Variants in TBC1D22A observed in about 807,000 individuals in gnomAD.
The protein encoded by TBC1D22A is TBC1 domain family member 22A, also known as putative GTPase activator.
In TBC1D22A, 38 loss-of-function variants were observed where a neutral mutation model predicts 60.2. The ratio of observed to expected loss-of-function variants is 0.63; its 90% CI spans 0.49 to 0.83. The LOEUF (loss-of-function observed/expected upper bound fraction) is 0.83, where lower values mean the gene tolerates loss of function less well. Among genes scored for constraint, TBC1D22A ranks in the 40% least tolerant of loss-of-function variants. The probability of loss-of-function intolerance (pLI) is 0.00; values close to 1 mark genes in which losing one functional copy is unlikely to be tolerated. For missense variants in TBC1D22A, 628 were observed against 701.0 expected (o/e 0.90, Z 1.18); for synonymous variants, 302 against 281.7 (o/e 1.07, Z -0.72).
At chr22:46,885,452 C>T (rs1022416106) in intron 5 of TBC1D22A, among the ~76,000 whole-genome samples, 5 of 152,152 alleles carry the variant, frequency 3.3e-5, no homozygotes, top group Non-Finnish European at 2.9e-5. Context: ...GTGTGAAGCA[C>T]GGAGCGTGGT....
At chr22:47,153,429 T>C (rs1037345440) in intron 12 of TBC1D22A, among the ~76,000 whole-genome samples, 15 of 151,782 alleles carry the variant, frequency 9.9e-5, no homozygotes, top group African/African-American at 3.6e-4. Flanking sequence ...CCTGCCATGG[T>C]GCTCCAAGCA....
chr22:47,164,105 G>A (rs1163669432), intron 12 of TBC1D22A, among the ~76,000 whole-genome samples: 1 of 152,234 alleles, frequency 6.6e-6, no homozygotes, highest in Non-Finnish European at 1.5e-5. Context: ...AGATGAGCCC[G>A]AGGCCTCCGT....
chr22:46,927,296 A>C (rs1382082507), intron 8 of TBC1D22A, among the ~76,000 whole-genome samples: 1 of 152,262 alleles, frequency 6.6e-6, no homozygotes, highest in Admixed American at 6.5e-5. Context: ...GGATGGTTCA[A>C]CATTTGAAAG....
At chr22:47,073,379 CCTT>C (rs765250166) in intron 11 of TBC1D22A, among the ~76,000 whole-genome samples, 24 of 152,154 alleles carry the variant, frequency 1.6e-4, no homozygotes, top group Non-Finnish European at 2.8e-4. Context: ...GGGTGAGCAG[CCTT>C]CCCTGTTTGG....
chr22:46,800,773 C>A (rs996484362), intron 4 of TBC1D22A, among the ~76,000 whole-genome samples: 8 of 152,134 alleles, frequency 5.3e-5, no homozygotes, highest in Non-Finnish European at 8.8e-5. Flanking sequence ...GCCTTTTTAT[C>A]TTCTCACTTG....
At chr22:47,129,604 A>G (rs1243854587) in intron 12 of TBC1D22A, among the ~76,000 whole-genome samples, 1 of 152,232 alleles carries the variant, frequency 6.6e-6, no homozygotes, top group Non-Finnish European at 1.5e-5. Flanking sequence ...TTTTCCTGTC[A>G]CCTTACATTC....
Position 46,912,206 on chromosome 22 carries a change from C to G in TBC1D22A, c.1015+18C>G. On this transcript the variant is annotated intron_variant, in intron 8 of 12. Coordinates refer to ENST00000337137, the MANE Select transcript of TBC1D22A (RefSeq NM_014346.5). ...ATACATAGGTAAGATTTCTTGCAAA[C>G]ATTAAACGTGAACTTTAGTGGACTT... 6.3e-7 allele frequency: 1 copy of G among 1,580,274 alleles called. No individual in the cohort carries two copies. The highest frequency in any genetic ancestry group is 8.7e-7 in the Non-Finnish European group (1 of 1,151,050).
intron 11 of TBC1D22A, among the ~76,000 whole-genome samples, chr22:47,088,098 T>TAAA (rs66541196): frequency 0.44 from 66,263 of 150,824 alleles, 14,953 homozygotes; most frequent in East Asian, 0.58. Flanking sequence ...ATAATAATAA[T>TAAA]AAATTTAAAA....
chr22:46,909,322 T>C (rs113300785), intron 7 of TBC1D22A, among the ~76,000 whole-genome samples: 1 of 151,380 alleles, frequency 6.6e-6, no homozygotes, highest in African/African-American at 2.4e-5. Flanking sequence ...ACTCACACAC[T>C]CACTCACTCA....
intron 11 of TBC1D22A, among the ~76,000 whole-genome samples, chr22:47,066,127 A>G (rs1046265383): frequency 7.2e-5 from 11 of 152,252 alleles, no homozygotes; most frequent in Admixed American, 2.0e-4. Context: ...ACATGCCAAC[A>G]GCATTTTGGG....
intron 12 of TBC1D22A, among the ~76,000 whole-genome samples, chr22:47,144,275 C>T (rs1431834025): frequency 6.6e-6 from 1 of 152,240 alleles, no homozygotes; most frequent in Non-Finnish European, 1.5e-5. Flanking sequence ...TTTCTAGTGG[C>T]CGCAGCCGCC....
At chr22:47,144,373 C>T (rs1454538052) in intron 12 of TBC1D22A, among the ~76,000 whole-genome samples, 1 of 152,200 alleles carries the variant, frequency 6.6e-6, no homozygotes, top group Non-Finnish European at 1.5e-5. Context: ...TTTTCTGGCA[C>T]AGGCTACAGC....
chr22:46,930,367 C>A (rs977689738), intron 8 of TBC1D22A, among the ~76,000 whole-genome samples: 1 of 152,128 alleles, frequency 6.6e-6, no homozygotes, highest in African/African-American at 2.4e-5. Context: ...TGTGGGGAGT[C>A]AAAATTACCC....
chr22:47,019,648 C>T (rs148993222), intron 10 of TBC1D22A, among the ~76,000 whole-genome samples: 41 of 151,788 alleles, frequency 2.7e-4, no homozygotes, highest in South Asian at 8.4e-4. Flanking sequence ...GGGATAGAGA[C>T]GTTGTGGGCA....
intron 4 of TBC1D22A, among the ~76,000 whole-genome samples, chr22:46,852,052 G>C (rs1183581963): frequency 2.6e-5 from 4 of 152,182 alleles, no homozygotes; most frequent in Non-Finnish European, 4.4e-5. Context: ...ACTGTGGTGG[G>C]GCTCAGGGGC....
intron 7 of TBC1D22A, among the ~76,000 whole-genome samples, chr22:46,901,948 A>AAG (rs2069026241): frequency 7.9e-5 from 12 of 151,870 alleles, no homozygotes; most frequent in African/African-American, 1.4e-4. Context: ...CAGATTGTTT[A>AAG]TAAACGTGAG....
intron 8 of TBC1D22A, among the ~76,000 whole-genome samples, chr22:46,970,004 T>A (rs1437109527): frequency 2.0e-5 from 3 of 152,160 alleles, no homozygotes; most frequent in Non-Finnish European, 4.4e-5. Context: ...CCCATCTCTG[T>A]CATGGCTCCC....
At chr22:46,875,939 A>C (rs2067538854) in intron 4 of TBC1D22A, among the ~76,000 whole-genome samples, 2 of 151,920 alleles carry the variant, frequency 1.3e-5, no homozygotes, top group Admixed American at 6.5e-5. Context: ...TCTAGGAGAC[A>C]AGGCTGGTGC....
At chr22:47,012,075 G>A (rs1421649771) in intron 10 of TBC1D22A, among the ~76,000 whole-genome samples, 2 of 151,866 alleles carry the variant, frequency 1.3e-5, no homozygotes, top group East Asian at 1.9e-4. Flanking sequence ...TGGGCCCCTC[G>A]GGTTGACTGG....
Sources: allele counts gnomAD v4.1 joint callset (sites outside exome capture counted in the v4.1 genomes callset), GRCh38; gene constraint gnomAD v4.1.1; transcripts MANE v1.5; gene names NCBI Gene and HGNC (gene_info 2026-07-23, HGNC 2026-07-21).